TOX3: variants seen among roughly 807,000 people sequenced by gnomAD.
TOX3 encodes the protein TOX high mobility group box family member 3, also known as CAG trinucleotide repeat-containing gene F9 protein.
A neutral mutation model predicts 64.3 loss-of-function variants in TOX3; 22 were observed. That is an observed-to-expected ratio of 0.34 (90% CI 0.24 to 0.49). The LOEUF is 0.49. Ranked by LOEUF, TOX3 falls within the 20% of genes least tolerant of loss-of-function variation. The probability of loss-of-function intolerance (pLI) is 0.99; values close to 1 mark genes in which losing one functional copy is unlikely to be tolerated. For missense variants in TOX3, 661 were observed against 714.4 expected (o/e 0.93, Z 0.85); for synonymous variants, 291 against 273.6 (o/e 1.06, Z -0.63).
chr16:52,533,596 T>G (rs1011936948), intron 1 of TOX3, among the ~76,000 whole-genome samples: 1 of 152,228 alleles, frequency 6.6e-6, no homozygotes, highest in Non-Finnish European at 1.5e-5. Flanking sequence ...TGTGTTTATT[T>G]TTAGGATTTT....
intron 3 of TOX3, among the ~76,000 whole-genome samples, chr16:52,453,367 AG>A (rs1960415585): frequency 6.6e-6 from 1 of 151,868 alleles, no homozygotes; most frequent in Non-Finnish European, 1.5e-5. Context: ...TATTTTTAGT[AG>A]AGACGGGGTT....
intron 1 of TOX3, among the ~76,000 whole-genome samples, chr16:52,537,873 TATG>T (rs1962988998): frequency 1.1e-5 from 1 of 90,666 alleles, no homozygotes; most frequent in African/African-American, 6.0e-5. Flanking sequence ...GCCTGGCTGA[TATG>T]ATAAAAAAAA....
intron 1 of TOX3, among the ~76,000 whole-genome samples, chr16:52,545,857 C>T (rs1963166284): frequency 6.6e-6 from 1 of 152,164 alleles, no homozygotes; most frequent in East Asian, 1.9e-4. Flanking sequence ...CGCTGCCCTT[C>T]TGAGGTCCAC....
rs542961302 is a variant in TOX3, at chr16:52,514,249, C to T, written c.87+32388G>A. Among the ~76,000 whole-genome samples, 12 of 152,312 alleles carry T rather than the reference C, an allele frequency of 7.9e-5. No homozygotes were observed. The South Asian group carries it at 2.1e-3, about 26-fold the overall frequency. On this transcript the variant is annotated intron_variant, in intron 1 of 6. Transcript: ENST00000219746. Reference sequence around the variant, plus strand: ...ACTAGGCTCCACATCCATGTTGCTCCACTTATCAGACGGCCACCCAAACAT... The same window carrying T: ...ACTAGGCTCCACATCCATGTTGCTCTACTTATCAGACGGCCACCCAAACAT...
intron 1 of TOX3, among the ~76,000 whole-genome samples, chr16:52,501,113 T>C (rs1311823461): frequency 1.3e-5 from 2 of 152,208 alleles, no homozygotes; most frequent in Non-Finnish European, 2.9e-5. Context: ...CACAACAGCC[T>C]ATGATACAGG....
rs1329036213 is a variant in TOX3 at position 52,439,979 on chromosome 16, G to T, written c.988-11C>A. 6.6e-7 allele frequency: 1 copy of T among 1,526,052 alleles called. No individual in the cohort carries two copies. The highest frequency in any genetic ancestry group is 1.3e-5 in the South Asian group (1 of 76,532). The allele number at this position is 1,526,052 out of a possible 1,614,324, so 94.5% of individuals were successfully genotyped here. On this transcript the variant is annotated splice_polypyrimidine_tract_variant and intron_variant, in intron 6 of 6. Transcript: ENST00000219746. The stretch of plus-strand genomic sequence containing the variant: ...TGACTCAGCAGCAGCCTGCATTTTG[G>T]GGGAGAAAATTCCAGACTGTTACAA...
intron 1 of TOX3, among the ~76,000 whole-genome samples, chr16:52,527,204 G>C (rs1962745128): frequency 6.6e-6 from 1 of 151,496 alleles, no homozygotes; most frequent in African/African-American, 2.4e-5. Flanking sequence ...AAAAGAAAAA[G>C]CTAGCAGGTA....
intron 1 of TOX3, among the ~76,000 whole-genome samples, chr16:52,536,067 T>C (rs1436984396): frequency 1.3e-5 from 2 of 152,192 alleles, no homozygotes; most frequent in East Asian, 1.9e-4. Flanking sequence ...TCATCTCTAG[T>C]TCACTTCTTA....
At chr16:52,520,186 A>T (rs764397009) in intron 1 of TOX3, among the ~76,000 whole-genome samples, 4 of 152,226 alleles carry the variant, frequency 2.6e-5, no homozygotes, top group Non-Finnish European at 4.4e-5. Context: ...TTCCTGAAAT[A>T]GTATTTCTAA....
At chr16:52,473,588 G>C (rs1961114376) in intron 1 of TOX3, among the ~76,000 whole-genome samples, 1 of 152,172 alleles carries the variant, frequency 6.6e-6, no homozygotes, top group Non-Finnish European at 1.5e-5. Context: ...CCCCCTGGAA[G>C]AGAACTTAGG....
intron 6 of TOX3, among the ~76,000 whole-genome samples, chr16:52,441,866 G>A (rs747729260): frequency 9.9e-5 from 15 of 152,178 alleles, no homozygotes; most frequent in African/African-American, 3.4e-4. Context: ...GGGGCTGCAT[G>A]TTCCTGAACC....
At chr16:52,449,111 G>T (rs534414889) in intron 4 of TOX3, among the ~76,000 whole-genome samples, 1 of 152,184 alleles carries the variant, frequency 6.6e-6, no homozygotes, top group Non-Finnish European at 1.5e-5. Flanking sequence ...TAACAAAAGA[G>T]TCTTCTAATT....
chr16:52,443,032 A>G (rs748718744), intron 6 of TOX3, among the ~76,000 whole-genome samples: 9 of 152,218 alleles, frequency 5.9e-5, no homozygotes, highest in Non-Finnish European at 1.0e-4. Flanking sequence ...GTTTAAATCC[A>G]TATACGGTCA....
intron 1 of TOX3, among the ~76,000 whole-genome samples, chr16:52,478,939 G>C (rs563147705): frequency 6.1e-4 from 93 of 152,124 alleles, no homozygotes; most frequent in Non-Finnish European, 9.0e-4. Flanking sequence ...GAAAATGAAT[G>C]GGTCATTGAA....
chr16:52,535,264 G>A (rs112388478), intron 1 of TOX3, among the ~76,000 whole-genome samples: 12 of 152,140 alleles, frequency 7.9e-5, no homozygotes, highest in African/African-American at 2.7e-4. Flanking sequence ...CACAGTAATT[G>A]AGAGTTTCAC....
chr16:52,485,143 A>G (rs1360612475), intron 1 of TOX3, among the ~76,000 whole-genome samples: 2 of 108,434 alleles, frequency 1.8e-5, no homozygotes, highest in African/African-American at 3.8e-5. Flanking sequence ...ATATGTGTGT[A>G]TATGTGTGTG....
intron 1 of TOX3, among the ~76,000 whole-genome samples, chr16:52,493,191 A>G (rs1444878300): frequency 6.6e-6 from 1 of 152,182 alleles, no homozygotes; most frequent in Non-Finnish European, 1.5e-5. Context: ...TATTTCAAGG[A>G]ACTTTCACAG....
rs1476178087 is a variant in TOX3 at position 52,450,325 on chromosome 16, G to A, written c.630C>T (p.Pro210=). The change falls in exon 4 of 7, where the codon CCC becomes CCT. Residue 210 remains proline (P), a synonymous_variant. Coordinates refer to ENST00000219746, the MANE Select transcript of TOX3 (RefSeq NM_001080430.4). Reference sequence around the variant, plus strand: ...CTTCATTGATGGAGCTGGAAGGGGAGGGAGTGGCTGATTTGCTTGCTGGAG... The same window carrying A: ...CTTCATTGATGGAGCTGGAAGGGGAAGGAGTGGCTGATTTGCTTGCTGGAG... ...PSPPASKSAT[P]SPSSSINEED... is the part of the protein sequence containing the mutation. 7 of 1,614,012 alleles carry A rather than the reference G, an allele frequency of 4.3e-6. No homozygotes were observed. The highest frequency in any genetic ancestry group is 1.7e-5 in the Admixed American group (1 of 60,028).
chr16:52,501,820 T>C (rs1356714325), intron 1 of TOX3, among the ~76,000 whole-genome samples: 1 of 152,208 alleles, frequency 6.6e-6, no homozygotes, highest in African/African-American at 2.4e-5. Flanking sequence ...GAAGCCTCCC[T>C]ATCGAGAATG....
Sources: gnomAD v4.1 joint callset for allele counts (sites outside exome capture counted in the v4.1 genomes callset) on GRCh38, gnomAD v4.1.1 for gene constraint, MANE v1.5 for transcripts, NCBI Gene and HGNC (gene_info 2026-07-23, HGNC 2026-07-21) for gene names.